The following NBN variants were observed in gnomAD, a reference collection of about 807,000 sequenced individuals.
NBN encodes the protein nibrin, also known as Nijmegen breakage syndrome 1 (nibrin).
NBN carries 88 observed loss-of-function variants against 90.8 expected under a neutral mutation model. The observed-to-expected ratio is 0.97, with a 90% CI of 0.82 to 1.16. The LOEUF (loss-of-function observed/expected upper bound fraction) is 1.16. NBN is among the 50% of genes most tolerant of loss of function. The pLI, the probability that NBN is intolerant of heterozygous loss-of-function variation, is 0.00. For synonymous variants in NBN, 328 were observed against 295.1 expected (o/e 1.11, Z -1.14); for missense variants, 894 against 869.6 (o/e 1.03, Z -0.35).
At chr8:89,941,863 C>CT (rs1346818377) in intron 14 of NBN, among the ~76,000 whole-genome samples, 1 of 152,174 alleles carries the variant, frequency 6.6e-6, no homozygotes, top group East Asian at 1.9e-4. Flanking sequence ...CTTAACAACT[C>CT]TACTTTCATA....
chr8:89,971,446 A>T (rs879933546), intron 5 of NBN, 156 bp from the exon 6 acceptor site: 3 of 525,716 alleles, frequency 5.7e-6, no homozygotes, highest in Non-Finnish European at 7.3e-6. Context: ...CAAAATGACA[A>T]AAAGCATCTA....
intron 13 of NBN, among the ~76,000 whole-genome samples, chr8:89,945,387 C>CA (rs1160462468): frequency 2.0e-5 from 3 of 151,964 alleles, no homozygotes; most frequent in African/African-American, 7.2e-5. Context: ...TTACAGAAGG[C>CA]AAAAAACTAA....
At chr8:89,959,936 G>C (rs953285484) in intron 8 of NBN, among the ~76,000 whole-genome samples, 2 of 152,158 alleles carry the variant, frequency 1.3e-5, no homozygotes, top group Non-Finnish European at 2.9e-5. Flanking sequence ...TAAGCACTGT[G>C]CCAGCATTAG....
At chr8:89,951,311 C>CAAAA (rs71268296) in intron 11 of NBN, among the ~76,000 whole-genome samples, 155 of 68,064 alleles carry the variant, frequency 2.3e-3, no homozygotes, top group East Asian at 5.1e-3. Context: ...GACTCTGTCT[C>CAAAA]AAAAAAAAAA....
chr8:89,979,038 C>T (rs958544318), intron 4 of NBN, among the ~76,000 whole-genome samples: 4 of 152,186 alleles, frequency 2.6e-5, no homozygotes, highest in Non-Finnish European at 5.9e-5. Flanking sequence ...ACTGCAGTGG[C>T]GTGATCCTGG....
intron 7 of NBN, 83 bp downstream of exon 7, chr8:89,970,281 A>T: frequency 8.1e-7 from 1 of 1,227,370 alleles, no homozygotes; most frequent in Non-Finnish European, 1.2e-6. Flanking sequence ...CTACTTTTAC[A>T]TTGTTAGGTG....
At chr8:89,982,992 G>C in intron 1 of NBN, 137 bp from the exon 2 acceptor site, 1 of 952,882 alleles carries the variant, frequency 1.0e-6, no homozygotes, top group Non-Finnish European at 1.6e-6. Context: ...TCAAATGTTA[G>C]TCAACTTTAC....
chr8:89,978,710 G>A (rs1449530366), intron 4 of NBN, among the ~76,000 whole-genome samples: 1 of 152,140 alleles, frequency 6.6e-6, no homozygotes, highest in Non-Finnish European at 1.5e-5. Context: ...CTGCTTCAGG[G>A]AAGACAATAT....
chr8:89,946,857 T>C (rs1810214673), intron 12 of NBN, among the ~76,000 whole-genome samples: 1 of 152,182 alleles, frequency 6.6e-6, no homozygotes, highest in Non-Finnish European at 1.5e-5. Flanking sequence ...TAAATTTGCC[T>C]CAAGAGTCCT....
At chr8:89,983,263 G>C (rs976277824) in intron 1 of NBN, among the ~76,000 whole-genome samples, 4 of 151,968 alleles carry the variant, frequency 2.6e-5, no homozygotes, top group Admixed American at 6.5e-5. Context: ...TTTGGAACTT[G>C]ATAAACAAAA....
rs529397087 is a variant in NBN, at chr8:89,954,820, T to C, written c.1397+463A>G. Among the ~76,000 whole-genome samples, 30 of 151,994 alleles carry C rather than the reference T, an allele frequency of 2.0e-4. No individual in the cohort carries two copies. In the South Asian group the frequency reaches 6.2e-3, roughly 32 times the overall value. On this transcript the variant is annotated intron_variant, in intron 10 of 15. Coordinates refer to ENST00000265433, the MANE Select transcript of NBN (RefSeq NM_002485.5). ...GACGGCACAAGAAAAAAGGCAGCAG[T>C]AGCTAGAGGAAGAAACCAGGTCAAG...
At chr8:89,955,227 T>C (rs1447346006) in intron 10 of NBN, 56 bp downstream of exon 10, 80 of 1,498,820 alleles carry the variant, frequency 5.3e-5, no homozygotes, top group Non-Finnish European at 6.4e-5. Context: ...TCTACAACAG[T>C]ATAAAAAACT....
chr8:89,979,759 A>G (rs1811965353), intron 4 of NBN, among the ~76,000 whole-genome samples: 1 of 152,096 alleles, frequency 6.6e-6, no homozygotes, highest in Admixed American at 6.5e-5. Context: ...GTAATGGAGC[A>G]ATTCACAAGG....
intron 5 of NBN, among the ~76,000 whole-genome samples, chr8:89,975,025 T>G (rs573914768): frequency 2.0e-4 from 31 of 152,324 alleles, no homozygotes; most frequent in Non-Finnish European, 4.1e-4. Flanking sequence ...CTCCTTACAT[T>G]TAGACATACA....
intron 1 of NBN, among the ~76,000 whole-genome samples, chr8:89,983,768 C>G (rs1285367130): frequency 6.6e-6 from 1 of 152,030 alleles, no homozygotes; most frequent in Non-Finnish European, 1.5e-5. Flanking sequence ...GAGATTAGGG[C>G]AGATAAAGAG....
chr8:89,984,476 G>A (rs753624651), intron 1 of NBN, 49 bp downstream of exon 1: 25 of 1,552,198 alleles, frequency 1.6e-5, no homozygotes, highest in Non-Finnish European at 2.2e-5. Flanking sequence ...CTCCCCCGAG[G>A]CAGTCGCTAC....
At chr8:89,949,463 T>C (rs1461623623) in intron 11 of NBN, among the ~76,000 whole-genome samples, 3 of 152,172 alleles carry the variant, frequency 2.0e-5, no homozygotes, top group Non-Finnish European at 4.4e-5. Flanking sequence ...GGAAATATAC[T>C]ATAGACACAG....
chr8:89,949,420 G>A (rs1291499453), intron 11 of NBN, among the ~76,000 whole-genome samples: 1 of 152,162 alleles, frequency 6.6e-6, no homozygotes, highest in African/African-American at 2.4e-5. Context: ...AAAAATGCTT[G>A]ACTTGAGAAA....
intron 7 of NBN, among the ~76,000 whole-genome samples, chr8:89,969,984 C>T (rs1325945702): frequency 1.3e-5 from 2 of 151,078 alleles, no homozygotes; most frequent in Non-Finnish European, 2.9e-5. Context: ...CACGGTGGCT[C>T]ATACCTGTAA....
Sources: allele counts gnomAD v4.1 joint callset (sites outside exome capture counted in the v4.1 genomes callset), GRCh38; gene constraint gnomAD v4.1.1; transcripts MANE v1.5; gene names NCBI Gene and HGNC (gene_info 2026-07-23, HGNC 2026-07-21).